The following FBXO11 variants were observed in gnomAD, a reference collection of about 807,000 sequenced individuals.
The protein encoded by FBXO11 is F-box only protein 11.
Under a neutral mutation model 117.0 loss-of-function variants are expected in FBXO11, and 13 were observed. That is an observed-to-expected ratio of 0.11 (90% CI 0.07 to 0.18). FBXO11 has a LOEUF of 0.18. Among genes scored for constraint, FBXO11 ranks in the 10% least tolerant of loss-of-function variants. The pLI, the probability that FBXO11 is intolerant of heterozygous loss-of-function variation, is 1.00. For missense variants in FBXO11, 767 were observed against 1,164.4 expected, an observed-to-expected ratio of 0.66 and a Z score of 4.97; for synonymous variants, 490 against 380.5, an observed-to-expected ratio of 1.29 and a Z score of -3.35.
intron 11 of FBXO11, among the ~76,000 whole-genome samples, chr2:47,831,074 C>T (rs965200860): frequency 4.6e-5 from 7 of 151,222 alleles, no homozygotes; most frequent in Non-Finnish European, 8.8e-5. Flanking sequence ...GCTGGGATTA[C>T]AGGTGTGAGC....
At chr2:47,818,922 G>T (rs753704200) in intron 15 of FBXO11, 34 bp downstream of exon 15, 2 of 1,583,868 alleles carry the variant, frequency 1.3e-6, no homozygotes. Context: ...ACAAAACAAT[G>T]TATTTCCCAT....
chr2:47,864,702 A>G (rs555928732), intron 1 of FBXO11, among the ~76,000 whole-genome samples: 21 of 152,322 alleles, frequency 1.4e-4, no homozygotes, highest in African/African-American at 4.6e-4. Context: ...AAGATGAATA[A>G]AAGTCCACAG....
At chr2:47,872,384 G>T (rs1190307195) in intron 1 of FBXO11, among the ~76,000 whole-genome samples, 2 of 152,194 alleles carry the variant, frequency 1.3e-5, no homozygotes, top group Non-Finnish European at 2.9e-5. Flanking sequence ...CACTGCAATG[G>T]TGTAGTCTTG....
At chr2:47,840,295 G>A (rs938580008) in intron 1 of FBXO11, among the ~76,000 whole-genome samples, 6 of 152,010 alleles carry the variant, frequency 3.9e-5, no homozygotes, top group Non-Finnish European at 8.8e-5. Flanking sequence ...TTGCTGAGAG[G>A]AGTGGGAAGG....
intron 13 of FBXO11, among the ~76,000 whole-genome samples, chr2:47,821,547 T>C (rs957505902): frequency 4.6e-5 from 7 of 151,706 alleles, no homozygotes; most frequent in Admixed American, 4.6e-4. Flanking sequence ...GAGGTGGAGC[T>C]TGCAGTGAGC....
In FBXO11 at chr2:47,887,332, A is replaced by AT. The variant is rs779106767; in HGVS notation, c.232+18156dup. Among the ~76,000 whole-genome samples the AT allele has an allele frequency of 5.8e-3, 830 of 143,998 alleles. 7 individuals are homozygous for AT. The highest frequency in any genetic ancestry group is 0.014 in the African/African-American group (560 of 39,546). The allele number at this position is 143,998 out of a possible 152,430, so 94.5% of individuals were successfully genotyped here. On this transcript the variant is annotated intron_variant, in intron 1 of 22. Transcript: ENST00000403359. The stretch of plus-strand genomic sequence containing the variant: ...GGGGGGAGACAAGACCCTATCTCGA[A>AT]TTTTTTTTTTTTTTCTTTTCAAAAG...
chr2:47,885,647 C>G (rs1676774537), intron 1 of FBXO11, among the ~76,000 whole-genome samples: 1 of 152,046 alleles, frequency 6.6e-6, no homozygotes, highest in African/African-American at 2.4e-5. Context: ...GAAAAACAGC[C>G]AAAGCATACA....
intron 12 of FBXO11, 122 bp downstream of exon 12, chr2:47,823,021 A>T (rs938756832): frequency 1.6e-6 from 1 of 624,788 alleles, no homozygotes; most frequent in Non-Finnish European, 2.6e-6. Flanking sequence ...TAACTAGGAA[A>T]ATCTATTTTA....
At chr2:47,853,986 C>T (rs1344835538) in intron 1 of FBXO11, among the ~76,000 whole-genome samples, 15 of 152,202 alleles carry the variant, frequency 9.9e-5, no homozygotes, top group Admixed American at 9.2e-4. Flanking sequence ...ATGCCAAGTG[C>T]TGACCACAGA....
intron 1 of FBXO11, among the ~76,000 whole-genome samples, chr2:47,870,997 G>A (rs1472074530): frequency 1.3e-5 from 2 of 152,128 alleles, no homozygotes; most frequent in Admixed American, 1.3e-4. Context: ...CTAACACTTG[G>A]CATTATCCTC....
At chr2:47,885,704 G>A (rs1460718959) in intron 1 of FBXO11, among the ~76,000 whole-genome samples, 3 of 152,170 alleles carry the variant, frequency 2.0e-5, no homozygotes, top group African/African-American at 7.2e-5. Context: ...AAGCCTTGAA[G>A]AGAGTGCCTA....
intron 4 of FBXO11, among the ~76,000 whole-genome samples, chr2:47,838,478 T>A (rs890226853): frequency 1.3e-5 from 2 of 152,178 alleles, no homozygotes; most frequent in Admixed American, 1.3e-4. Flanking sequence ...TCAAAGGGCA[T>A]GAATTATTTA....
In FBXO11 at chr2:47,832,977, T is replaced by C; in HGVS notation, c.1028A>G (p.Tyr343Cys). 2 of 1,610,414 alleles carry C rather than the reference T, an allele frequency of 1.2e-6. No individual in the cohort carries two copies. Among genetic ancestry groups the C allele is most frequent in the Non-Finnish European group, 1.7e-6 (2 of 1,176,640 alleles). ...MEGSEDAYVGYMTIRFNPDDK... is the reference protein window; with the variant it reads ...MEGSEDAYVGCMTIRFNPDDK... Reference sequence around the variant, plus strand: ...AACATGTCTTACCCTTATTGTCATATATCCAACATAAGCATCTTCAGAGCC... The same window carrying C: ...AACATGTCTTACCCTTATTGTCATACATCCAACATAAGCATCTTCAGAGCC... Residue 343 changes from tyrosine to cysteine, a missense_variant, in exon 8 of 23, where the codon TAT becomes TGT. Transcript: ENST00000403359.
intron 1 of FBXO11, among the ~76,000 whole-genome samples, chr2:47,853,177 T>G (rs1033455010): frequency 6.6e-6 from 1 of 151,944 alleles, no homozygotes; most frequent in African/African-American, 2.4e-5. Context: ...GTTCAAGCCA[T>G]TCTCCTGCCT....
At chr2:47,861,007 C>T (rs898712841) in intron 1 of FBXO11, among the ~76,000 whole-genome samples, 11 of 151,892 alleles carry the variant, frequency 7.2e-5, no homozygotes, top group Non-Finnish European at 1.2e-4. Flanking sequence ...AAAGTCACTA[C>T]GTCCAGCTAA....
At chr2:47,809,731 T>C (rs1427346866) in intron 19 of FBXO11, 24 bp from the exon 20 acceptor site, 2 of 1,474,294 alleles carry the variant, frequency 1.4e-6, no homozygotes, top group East Asian at 2.3e-5. Flanking sequence ...TACAAACAAG[T>C]AGATACATCA....
At chr2:47,851,110 T>C (rs527423512) in intron 1 of FBXO11, among the ~76,000 whole-genome samples, 1 of 152,286 alleles carries the variant, frequency 6.6e-6, no homozygotes, top group African/African-American at 2.4e-5. Flanking sequence ...TGGCCAGAGT[T>C]ATCAAATATA....
At chr2:47,876,497 C>T (rs984412320) in intron 1 of FBXO11, among the ~76,000 whole-genome samples, 1 of 152,158 alleles carries the variant, frequency 6.6e-6, no homozygotes, top group Non-Finnish European at 1.5e-5. Context: ...CTCATTCTTG[C>T]TGACAGATAA....
chr2:47,867,738 T>C (rs1223787932), intron 1 of FBXO11, among the ~76,000 whole-genome samples: 1 of 152,142 alleles, frequency 6.6e-6, no homozygotes, highest in Non-Finnish European at 1.5e-5. Context: ...AATAAAGAAC[T>C]GACACACATT....
Sources: allele counts gnomAD v4.1 joint callset (sites outside exome capture counted in the v4.1 genomes callset), GRCh38; gene constraint gnomAD v4.1.1; transcripts MANE v1.5; gene names NCBI Gene and HGNC (gene_info 2026-07-23, HGNC 2026-07-21).